CELF2: variants seen among roughly 807,000 people sequenced by gnomAD.
The protein encoded by CELF2 is CUG triplet repeat RNA-binding protein 2.
A neutral mutation model predicts 62.6 loss-of-function variants in CELF2; 8 were observed. The observed-to-expected ratio is 0.13, with a 90% CI of 0.07 to 0.23. The LOEUF (loss-of-function observed/expected upper bound fraction) is 0.23, where lower values mean the gene tolerates loss of function less well. Among genes scored for constraint, CELF2 ranks in the 10% least tolerant of loss-of-function variants. The pLI is 1.00. For missense variants in CELF2, 333 were observed against 671.0 expected (o/e 0.50, Z 5.56); for synonymous variants, 258 against 250.0 (o/e 1.03, Z -0.30).
At chr10:10,679,891 T>TG in the CELF2 span, among the ~76,000 whole-genome samples, 1 of 152,234 alleles carries the variant, frequency 6.6e-6, no homozygotes, top group African/African-American at 2.4e-5. Context: ...ATGCTTCAGT[T>TG]GCTGCACTGA....
At chr10:11,096,755 G>A (rs917394944) in intron 1 of CELF2, among the ~76,000 whole-genome samples, 8 of 152,174 alleles carry the variant, frequency 5.3e-5, no homozygotes, top group Non-Finnish European at 8.8e-5. Context: ...GAAGCAACAA[G>A]TCACTCTCTC....
intron 2 of CELF2, among the ~76,000 whole-genome samples, chr10:10,965,339 A>G (rs1452317375): frequency 6.6e-6 from 1 of 152,200 alleles, no homozygotes; most frequent in Non-Finnish European, 1.5e-5. Context: ...TCTTGAGGCT[A>G]TTTTTGGATT....
the CELF2 span, among the ~76,000 whole-genome samples, chr10:10,664,950 C>T: frequency 1.1e-4 from 16 of 152,138 alleles, no homozygotes; most frequent in African/African-American, 3.9e-4. Context: ...AGAAAAATAA[C>T]AATACCAACA....
At chr10:10,799,755 A>G (rs907261377) in intron 1 of CELF2, among the ~76,000 whole-genome samples, 1 of 152,218 alleles carries the variant, frequency 6.6e-6, no homozygotes, top group African/African-American at 2.4e-5. Context: ...GAAAGGGCAG[A>G]GTTCATGCAT....
At chr10:10,574,766 G>A in the CELF2 span, among the ~76,000 whole-genome samples, 3 of 151,886 alleles carry the variant, frequency 2.0e-5, no homozygotes, top group African/African-American at 7.3e-5. Flanking sequence ...CTGGAGTGCA[G>A]TGGCATGATC....
intron 2 of CELF2, among the ~76,000 whole-genome samples, chr10:10,969,546 C>G (rs61830376): frequency 0.027 from 4,075 of 152,242 alleles, 102 homozygotes; most frequent in Admixed American, 0.058. Flanking sequence ...AAGATACACA[C>G]AATATTGCAT....
chr10:10,482,158 G>A, the CELF2 span, among the ~76,000 whole-genome samples: 2 of 152,216 alleles, frequency 1.3e-5, no homozygotes. Flanking sequence ...TTTGGAAATT[G>A]TTGATTATGT....
chr10:10,619,345 G>A, the CELF2 span, among the ~76,000 whole-genome samples: 1 of 152,184 alleles, frequency 6.6e-6, no homozygotes, highest in Non-Finnish European at 1.5e-5. Context: ...GTAGTAGTAG[G>A]TATTTGTTAA....
the CELF2 span, among the ~76,000 whole-genome samples, chr10:10,672,418 C>A: frequency 6.7e-6 from 1 of 149,278 alleles, no homozygotes. Flanking sequence ...TATAATTTTG[C>A]ATTTTGCATT....
chr10:10,567,474 G>A, the CELF2 span, among the ~76,000 whole-genome samples: 1 of 152,134 alleles, frequency 6.6e-6, no homozygotes, highest in African/African-American at 2.4e-5. Context: ...AGGCAGGGAA[G>A]GAAGGCAGAG....
At chr10:10,792,457 G>A in the CELF2 span, 14 of 398,218 alleles carry the variant, frequency 3.5e-5, no homozygotes, top group Non-Finnish European at 5.3e-5. Flanking sequence ...TCTTTGACTG[G>A]CAACTTGGCA....
At chr10:10,579,846 T>TAC in the CELF2 span, among the ~76,000 whole-genome samples, 89 of 148,490 alleles carry the variant, frequency 6.0e-4, no homozygotes, top group East Asian at 3.0e-3. Context: ...TAAAAATAAA[T>TAC]ACACACACAC....
At chr10:10,523,879 G>C in the CELF2 span, among the ~76,000 whole-genome samples, 164 of 152,268 alleles carry the variant, frequency 1.1e-3, no homozygotes, top group Non-Finnish European at 2.0e-3. Flanking sequence ...ACTTTAGTCT[G>C]CTTGATCACT....
chr10:11,298,702 CAT>C (rs1051033582), intron 9 of CELF2, among the ~76,000 whole-genome samples: 9 of 152,236 alleles, frequency 5.9e-5, no homozygotes, highest in South Asian at 2.1e-4. Context: ...TATATACACA[CAT>C]ATTTATATTT....
chr10:11,221,157 C>A (rs1206868469), intron 3 of CELF2, among the ~76,000 whole-genome samples: 1 of 152,212 alleles, frequency 6.6e-6, no homozygotes, highest in Non-Finnish European at 1.5e-5. Context: ...CCTTGTTAGG[C>A]TGACTTTTCC....
chr10:10,885,413 A>C (rs1411097887), intron 1 of CELF2, among the ~76,000 whole-genome samples: 1 of 151,674 alleles, frequency 6.6e-6, no homozygotes, highest in Non-Finnish European at 1.5e-5. Flanking sequence ...TTCTAGTCTA[A>C]ATCTAGAATC....
In CELF2 at chr10:11,326,833, A is replaced by T. The variant is rs1022963834; in HGVS notation, c.1438+854A>T. On this transcript the variant is annotated intron_variant, in intron 12 of 12. Coordinates refer to ENST00000633077, the MANE Select transcript of CELF2 (RefSeq NM_001326342.2). ...ATTTAATAATTCATGCTGGTGGGAAATAGTAACAGCATAAAACCCAGGTAG... is the reference window on the plus strand; with the variant it reads ...ATTTAATAATTCATGCTGGTGGGAATTAGTAACAGCATAAAACCCAGGTAG... 2.8e-4 allele frequency among the ~76,000 whole-genome samples: 43 copies of T among 152,232 alleles called. 1 individual carries two copies. Among genetic ancestry groups the T allele is most frequent in the African/African-American group, 1.0e-3 (43 of 41,446 alleles).
chr10:10,683,446 T>G, the CELF2 span, among the ~76,000 whole-genome samples: 1 of 152,222 alleles, frequency 6.6e-6, no homozygotes, highest in Non-Finnish European at 1.5e-5. Flanking sequence ...TTTCTGTTTC[T>G]TTTTAATGTT....
At chr10:10,921,973 C>G (rs1329290922) in intron 2 of CELF2, among the ~76,000 whole-genome samples, 3 of 152,150 alleles carry the variant, frequency 2.0e-5, no homozygotes, top group African/African-American at 7.2e-5. Context: ...ACAGGAGAAG[C>G]AGAGTGAGCC....
Sources: gnomAD v4.1 joint callset for allele counts (sites outside exome capture counted in the v4.1 genomes callset) on GRCh38, gnomAD v4.1.1 for gene constraint, MANE v1.5 for transcripts, NCBI Gene and HGNC (gene_info 2026-07-23, HGNC 2026-07-21) for gene names.